ACACA: variants seen among roughly 807,000 people sequenced by gnomAD.
ACACA encodes the protein acetyl-CoA carboxylase alpha, also known as acetyl-CoA carboxylase 1.
In ACACA, 103 loss-of-function variants were observed where a neutral mutation model predicts 296.1. The observed-to-expected ratio is 0.35, with a 90% CI of 0.30 to 0.41. ACACA has a LOEUF of 0.41. Ranked by LOEUF, ACACA falls within the 10% of genes least tolerant of loss-of-function variation. The probability of loss-of-function intolerance (pLI) is 1.00; values close to 1 mark genes in which losing one functional copy is unlikely to be tolerated. For missense variants in ACACA, 1,554 were observed against 2,989.7 expected, an observed-to-expected ratio of 0.52 and a Z score of 11.20; for synonymous variants, 953 against 1,038.6, an observed-to-expected ratio of 0.92 and a Z score of 1.58.
chr17:37,334,911 C>A lies in ACACA; in HGVS notation c.86-4486G>T, dbSNP rs568492084. Reference sequence around the variant, plus strand: ...ATGCCCCACAACTGCTATAACTCTGCCACTCTTTGCATGCATGCAAATACT... The same window carrying A: ...ATGCCCCACAACTGCTATAACTCTGACACTCTTTGCATGCATGCAAATACT... On this transcript the variant is annotated intron_variant, in intron 2 of 55. Transcript: ENST00000616317. Among the ~76,000 whole-genome samples, 4 of 152,254 alleles carry A rather than the reference C, an allele frequency of 2.6e-5. No homozygotes were observed. The East Asian group carries it at 7.7e-4, about 29-fold the overall frequency.
chr17:37,155,618 G>GA (rs1259181456), intron 43 of ACACA, 65 bp downstream of exon 43: 3 of 1,129,536 alleles, frequency 2.7e-6, no homozygotes, highest in African/African-American at 1.5e-5. Context: ...GTACAATATG[G>GA]AAAAAAATAC....
intron 22 of ACACA, 79 bp downstream of exon 22, chr17:37,243,292 A>T: frequency 7.0e-7 from 1 of 1,433,558 alleles, no homozygotes; most frequent in Non-Finnish European, 9.8e-7. Context: ...AGTAAGGAGG[A>T]TCCAAATAGG....
chr17:37,243,693 CT>C (rs2080534681), intron 21 of ACACA, 134 bp from the exon 22 acceptor site: 1 of 899,778 alleles, frequency 1.1e-6, no homozygotes, highest in South Asian at 1.4e-5. Context: ...TCTGCACATA[CT>C]TGAGCCCTAC....
intron 41 of ACACA, among the ~76,000 whole-genome samples, chr17:37,166,068 C>A (rs1041336111): frequency 1.3e-5 from 2 of 152,186 alleles, no homozygotes; most frequent in African/African-American, 4.8e-5. Context: ...TAGTGCTTCC[C>A]AGGAACATTA....
intron 1 of ACACA, among the ~76,000 whole-genome samples, chr17:37,400,762 A>G (rs1398348705): frequency 2.2e-5 from 3 of 137,340 alleles, no homozygotes; most frequent in Non-Finnish European, 3.2e-5. Flanking sequence ...GTGTGTGTGT[A>G]TCTATATCTC....
At chr17:37,322,049 C>T (rs1267689672) in intron 3 of ACACA, among the ~76,000 whole-genome samples, 1 of 151,816 alleles carries the variant, frequency 6.6e-6, no homozygotes, top group Non-Finnish European at 1.5e-5. Flanking sequence ...TTTATAATTA[C>T]AAAAGAGCTC....
intron 1 of ACACA, among the ~76,000 whole-genome samples, chr17:37,396,438 A>T (rs1181101340): frequency 6.6e-6 from 1 of 152,182 alleles, no homozygotes; most frequent in East Asian, 1.9e-4. Context: ...TAATCTCAAA[A>T]ATCAAAGTGA....
chr17:37,366,352 A>G (rs529903394), intron 1 of ACACA, among the ~76,000 whole-genome samples: 153 of 152,296 alleles, frequency 1.0e-3, no homozygotes, highest in Non-Finnish European at 1.6e-3. Context: ...AATTTTGTAG[A>G]GCCTTTATCG....
intron 47 of ACACA, among the ~76,000 whole-genome samples, chr17:37,127,955 C>T (rs1306705583): frequency 1.2e-4 from 15 of 120,866 alleles, no homozygotes; most frequent in Admixed American, 7.4e-4. Flanking sequence ...TAAGTGGAGG[C>T]GGAGGTTGCA....
At chr17:37,339,777 A>T in intron 2 of ACACA, 27 bp downstream of exon 2, 1 of 1,334,034 alleles carries the variant, frequency 7.5e-7, no homozygotes. Flanking sequence ...ATCACATTGT[A>T]AACAAGGAGT....
chr17:37,156,704 G>A (rs2076266661), intron 42 of ACACA, among the ~76,000 whole-genome samples: 1 of 152,158 alleles, frequency 6.6e-6, no homozygotes, highest in South Asian at 2.1e-4. Context: ...CACATACAAA[G>A]TAGAGTTACA....
At chr17:37,146,902 A>G (rs2075835481) in intron 45 of ACACA, among the ~76,000 whole-genome samples, 1 of 146,028 alleles carries the variant, frequency 6.8e-6, no homozygotes, top group African/African-American at 2.6e-5. Context: ...TCAGGCGATC[A>G]TGCACAATCC....
intron 34 of ACACA, 86 bp downstream of exon 34, chr17:37,200,341 G>A: frequency 7.1e-7 from 1 of 1,412,054 alleles, no homozygotes; most frequent in Non-Finnish European, 1.0e-6. Flanking sequence ...AATCCTATTA[G>A]TAAGTATAAG....
At chr17:37,193,159 C>T (rs2077832752) in intron 36 of ACACA, among the ~76,000 whole-genome samples, 3 of 152,112 alleles carry the variant, frequency 2.0e-5, no homozygotes, top group African/African-American at 7.2e-5. Flanking sequence ...GTATCACCTT[C>T]GTTGAGTAGC....
At chr17:37,329,707 T>C (rs1747321737) in intron 3 of ACACA, among the ~76,000 whole-genome samples, 1 of 147,342 alleles carries the variant, frequency 6.8e-6, no homozygotes, top group African/African-American at 2.5e-5. Context: ...TTTGGAAAGC[T>C]GAGGTGGGCG....
chr17:37,158,782 G>A (rs575427088), intron 42 of ACACA, among the ~76,000 whole-genome samples: 2 of 152,216 alleles, frequency 1.3e-5, no homozygotes, highest in African/African-American at 4.8e-5. Context: ...CCAGGTGAGA[G>A]GGCATTGGGT....
At chr17:37,390,346 G>T in intron 1 of ACACA, among the ~76,000 whole-genome samples, 1 of 53,864 alleles carries the variant, frequency 1.9e-5, no homozygotes, top group Non-Finnish European at 3.3e-5. Context: ...AAGGCCAGCT[G>T]GGCCGGGCAC....
chr17:37,367,656 G>T (rs1422460259), intron 1 of ACACA: 1 of 152,216 alleles, frequency 6.6e-6, no homozygotes, highest in African/African-American at 2.4e-5. Flanking sequence ...CACAGAGCTT[G>T]TTAGATAGTA....
In ACACA at chr17:37,274,753, C is replaced by T. The variant is rs1195541214; in HGVS notation, c.902-454G>A. On this transcript the variant is annotated intron_variant, in intron 8 of 55. Coordinates refer to ENST00000616317, the MANE Select transcript of ACACA (RefSeq NM_198834.3). The stretch of plus-strand genomic sequence containing the variant: ...GAGTCATGATTCCATGCTCTCTGAA[C>T]GTCCCTGTACTCAGCCATAAGGGGA... 6.6e-6 allele frequency: 5 copies of T among 757,588 alleles called. No homozygotes were observed. The African/African-American group carries it at 9.5e-5, about 14-fold the overall frequency. The allele number at this position is 757,588 out of a possible 1,614,324, so 46.9% of individuals were successfully genotyped here.
Sources: allele counts gnomAD v4.1 joint callset (sites outside exome capture counted in the v4.1 genomes callset), GRCh38; gene constraint gnomAD v4.1.1; transcripts MANE v1.5; gene names NCBI Gene and HGNC (gene_info 2026-07-23, HGNC 2026-07-21).